Variants in CHST11 observed in about 807,000 individuals in gnomAD.
CHST11 encodes C4S-1.
Under a neutral mutation model 30.4 loss-of-function variants are expected in CHST11, and 9 were observed. The ratio of observed to expected loss-of-function variants is 0.30; its 90% CI spans 0.18 to 0.52. CHST11 has a LOEUF of 0.52. Ranked by LOEUF, CHST11 falls within the 20% of genes least tolerant of loss-of-function variation. CHST11 has a pLI of 0.97. For missense variants in CHST11, 348 were observed against 460.6 expected, an observed-to-expected ratio of 0.76 and a Z score of 2.24; for synonymous variants, 152 against 187.8, an observed-to-expected ratio of 0.81 and a Z score of 1.56.
At chr12:104,527,734 C>A (rs937199619) in intron 1 of CHST11, among the ~76,000 whole-genome samples, 34 of 152,192 alleles carry the variant, frequency 2.2e-4, no homozygotes, top group African/African-American at 8.2e-4. Context: ...TAGTCTGTTT[C>A]CACACTGCTG....
intron 2 of CHST11, among the ~76,000 whole-genome samples, chr12:104,735,293 T>C (rs1052728910): frequency 5.9e-5 from 9 of 152,196 alleles, no homozygotes; most frequent in Non-Finnish European, 1.2e-4. Context: ...GTAGGAGTGA[T>C]AGAAGGACTA....
chr12:104,761,857 G>C lies in CHST11; in HGVS notation c.*4054G>C, dbSNP rs1467678230. On this transcript the variant is annotated 3_prime_UTR_variant, in exon 3 of 3. Transcript: ENST00000303694. ...ATTTGTATGCAGTAGAGAGCCTGTT[G>C]TAGAAAACGCTCCCTGTATCTTGCT... 6.6e-6 allele frequency: 1 copy of C among 152,182 alleles called. No individual in the cohort carries two copies. Among genetic ancestry groups the C allele is most frequent in the Non-Finnish European group, 1.5e-5 (1 of 68,032 alleles). The allele number at this position is 152,182 out of a possible 1,614,324, so 9.4% of individuals were successfully genotyped here.
chr12:104,542,466 G>A (rs1239006084), intron 1 of CHST11, among the ~76,000 whole-genome samples: 3 of 152,222 alleles, frequency 2.0e-5, no homozygotes, highest in African/African-American at 7.2e-5. Context: ...TACAACATGG[G>A]TGAACCTTGA....
chr12:104,757,219 G>A lies in CHST11; in HGVS notation c.475G>A (p.Ala159Thr), dbSNP rs758987438. The A allele has an allele frequency of 6.4e-5, 104 of 1,614,052 alleles. No homozygotes were observed. In the East Asian group the frequency reaches 1.9e-3, roughly 30 times the overall value. Residue 159 changes from alanine to threonine, a missense_variant, in exon 3 of 3, where the codon GCC becomes ACC. Physicochemically the swap from Ala to Thr is moderately conservative, Grantham distance 58. Around this residue, in one of 3 missense-constraint regions of CHST11, gnomAD observed 210 missense variants for 287.2 expected, o/e 0.73. Coordinates refer to ENST00000303694, the MANE Select transcript of CHST11 (RefSeq NM_018413.6). The surrounding 1 kb of genome is among the most constrained non-coding windows in gnomAD (Gnocchi z 6.5). ...EIPANEAHVS[A>T]NLKTLNQYSI... ...CCCGGCCAACGAGGCACACGTCTCC[G>A]CCAACCTGAAGACCCTGAACCAGTA...
At chr12:104,494,204 C>T (rs546614210) in intron 1 of CHST11, among the ~76,000 whole-genome samples, 28 of 152,176 alleles carry the variant, frequency 1.8e-4, no homozygotes, top group African/African-American at 6.0e-4. Context: ...CTGATTTCCC[C>T]AAATCTCCAA....
At chr12:104,544,125 T>TAA (rs60776273) in intron 1 of CHST11, among the ~76,000 whole-genome samples, 2 of 97,394 alleles carry the variant, frequency 2.1e-5, no homozygotes, top group African/African-American at 8.6e-5. Flanking sequence ...CCCTGTCTGT[T>TAA]AAAAAAAAAA....
rs1592882639 is a variant in CHST11, at chr12:104,761,472, C to CACAA, written c.*3672_*3673insAACA. 2 of 147,744 alleles carry CACAA rather than the reference C, an allele frequency of 1.4e-5. No individual in the cohort carries two copies. The highest frequency in any genetic ancestry group is 3.9e-4 in the East Asian group (2 of 5,156). The allele number at this position is 147,744 out of a possible 1,614,324, so 9.2% of individuals were successfully genotyped here. A position where few individuals can be genotyped will look rare whatever the true frequency, so the allele number is the denominator to read the frequency against. On this transcript the variant is annotated 3_prime_UTR_variant, in exon 3 of 3. Coordinates refer to ENST00000303694, the MANE Select transcript of CHST11 (RefSeq NM_018413.6). ...CCTAGCCAGTCCTCCCCTACACACA[C>CACAA]ACACACACACACACACACACACACA... is the stretch of plus-strand genomic sequence containing the variant.
intron 2 of CHST11, among the ~76,000 whole-genome samples, chr12:104,632,780 G>A (rs2039282849): frequency 1.3e-5 from 2 of 152,214 alleles, no homozygotes; most frequent in African/African-American, 4.8e-5. Flanking sequence ...TCTGCAGGAG[G>A]CGCCCACTCG....
At chr12:104,756,476 C>T (rs1010909393) in intron 2 of CHST11, among the ~76,000 whole-genome samples, 1 of 151,870 alleles carries the variant, frequency 6.6e-6, no homozygotes, top group African/African-American at 2.4e-5. Flanking sequence ...TAGGTTATGT[C>T]TCTTTGCAGT....
At chr12:104,647,252 AG>A (rs1454466060) in intron 2 of CHST11, among the ~76,000 whole-genome samples, 1 of 152,260 alleles carries the variant, frequency 6.6e-6, no homozygotes, top group African/African-American at 2.4e-5. Context: ...AGAGTCCGGC[AG>A]CAGCATGCAA....
chr12:104,736,440 G>A (rs574151663), intron 2 of CHST11, among the ~76,000 whole-genome samples: 4 of 152,322 alleles, frequency 2.6e-5, no homozygotes, highest in East Asian at 1.9e-4. Flanking sequence ...TGGCCGAGCT[G>A]GAGATTTACC....
At chr12:104,634,653 C>T (rs1200430468) in intron 2 of CHST11, among the ~76,000 whole-genome samples, 2 of 152,184 alleles carry the variant, frequency 1.3e-5, no homozygotes, top group East Asian at 1.9e-4. Context: ...GCTGGGTGAT[C>T]ATGTCAGGGC....
intron 2 of CHST11, among the ~76,000 whole-genome samples, chr12:104,657,243 C>T (rs563256244): frequency 2.0e-5 from 3 of 152,246 alleles, no homozygotes; most frequent in African/African-American, 7.2e-5. Context: ...TCTCTGGGAG[C>T]GAAACAAAAA....
chr12:104,755,102 G>T (rs185141640), intron 2 of CHST11, among the ~76,000 whole-genome samples: 1 of 152,160 alleles, frequency 6.6e-6, no homozygotes, highest in Non-Finnish European at 1.5e-5. Context: ...AAACTCATCA[G>T]TGGCCCTACT....
intron 2 of CHST11, among the ~76,000 whole-genome samples, chr12:104,628,713 C>T (rs2039243270): frequency 6.6e-6 from 1 of 152,164 alleles, no homozygotes; most frequent in African/African-American, 2.4e-5. Context: ...TTTTTCCTGC[C>T]ACCGGGCCTT....
chr12:104,705,456 C>A (rs2040024213), intron 2 of CHST11, among the ~76,000 whole-genome samples: 1 of 152,150 alleles, frequency 6.6e-6, no homozygotes, highest in Non-Finnish European at 1.5e-5. Flanking sequence ...TATTCATTGA[C>A]CTGGGCAACA....
chr12:104,645,182 C>T (rs536113864), intron 2 of CHST11, among the ~76,000 whole-genome samples: 264 of 152,254 alleles, frequency 1.7e-3, no homozygotes, highest in African/African-American at 6.0e-3. Flanking sequence ...CTCCTGACCT[C>T]GTGATCTGCC....
At chr12:104,748,256 T>G (rs2040403833) in intron 2 of CHST11, among the ~76,000 whole-genome samples, 1 of 152,130 alleles carries the variant, frequency 6.6e-6, no homozygotes, top group Non-Finnish European at 1.5e-5. Context: ...TGAAAGACAT[T>G]AGATTACAGT....
chr12:104,465,073 T>C (rs1170681343), intron 1 of CHST11, among the ~76,000 whole-genome samples: 2 of 152,212 alleles, frequency 1.3e-5, no homozygotes, highest in Non-Finnish European at 2.9e-5. Flanking sequence ...CAGTGTGCCT[T>C]CACCATGGAT....
Sources: allele counts gnomAD v4.1 joint callset (sites outside exome capture counted in the v4.1 genomes callset), GRCh38; gene constraint gnomAD v4.1.1; regional missense constraint gnomAD v4.1.1; non-coding constraint Gnocchi (gnomAD v3.1); transcripts MANE v1.5; gene names NCBI Gene and HGNC (gene_info 2026-07-23, HGNC 2026-07-21).